The following ACBD6 variants were observed in gnomAD, a reference collection of about 807,000 sequenced individuals.
The protein encoded by ACBD6 is acyl-CoA binding domain containing 6.
Under a neutral mutation model 37.2 loss-of-function variants are expected in ACBD6, and 28 were observed. That is an observed-to-expected ratio of 0.75 (90% CI 0.56 to 1.03). ACBD6 has a LOEUF of 1.03. Among genes scored for constraint, ACBD6 ranks in the 50% least tolerant of loss-of-function variants. The pLI, the probability that ACBD6 is intolerant of heterozygous loss-of-function variation, is 0.00. For synonymous variants in ACBD6, 113 were observed against 126.8 expected, an observed-to-expected ratio of 0.89 and a Z score of 0.73; for missense variants, 340 against 337.4, an observed-to-expected ratio of 1.01 and a Z score of -0.06.
At chr1:180,407,889 G>T (rs1367945281) in intron 5 of ACBD6, among the ~76,000 whole-genome samples, 5 of 152,154 alleles carry the variant, frequency 3.3e-5, no homozygotes, top group African/African-American at 9.6e-5. Flanking sequence ...GTACACACAA[G>T]ATACTTCCAG....
intron 6 of ACBD6, among the ~76,000 whole-genome samples, chr1:180,360,149 A>C (rs1652793649): frequency 6.6e-6 from 1 of 152,212 alleles, no homozygotes; most frequent in African/African-American, 2.4e-5. Flanking sequence ...TTCTTTAAAG[A>C]ACACACAGGG....
In ACBD6 at chr1:180,288,390, C is replaced by A. The variant is rs749411528; in HGVS notation, c.822G>T (p.Leu274=). The change falls in exon 8 of 8, where the codon CTG becomes CTT. Residue 274 remains leucine (L), a synonymous_variant. Coordinates refer to ENST00000367595, the MANE Select transcript of ACBD6 (RefSeq NM_032360.4). The part of the protein sequence containing the change: ...VTGCKTVSLV[L]QRHTTGKA ...AAGCCTTGCCAGTTGTGTGCCGCTG[C>A]AGCACCAAAGAAACTGTTTTGCAGC... The A allele has an allele frequency of 1.2e-6, 2 of 1,613,694 alleles. No individual in the cohort carries two copies. The highest frequency in any genetic ancestry group is 2.7e-5 in the African/African-American group (2 of 74,920).
chr1:180,428,050 T>C (rs1042129774), intron 4 of ACBD6, among the ~76,000 whole-genome samples: 11 of 151,846 alleles, frequency 7.2e-5, no homozygotes, highest in Non-Finnish European at 1.3e-4. Context: ...TAATTTCTGA[T>C]CTGCTGTAGT....
intron 7 of ACBD6, among the ~76,000 whole-genome samples, chr1:180,313,976 T>G (rs1650692659): frequency 6.6e-6 from 1 of 152,240 alleles, no homozygotes; most frequent in Non-Finnish European, 1.5e-5. Context: ...TACAGATTAC[T>G]TAAGCTAATC....
chr1:180,396,108 A>G (rs1207878425), intron 6 of ACBD6, among the ~76,000 whole-genome samples: 2 of 152,310 alleles, frequency 1.3e-5, no homozygotes, highest in Non-Finnish European at 2.9e-5. Flanking sequence ...ATTCACAGAA[A>G]TAGAAAGTAG....
chr1:180,331,544 C>T (rs971191477), intron 6 of ACBD6, among the ~76,000 whole-genome samples: 1 of 152,216 alleles, frequency 6.6e-6, no homozygotes, highest in Non-Finnish European at 1.5e-5. Context: ...TCCCACAGCA[C>T]ATGTTCCTTG....
chr1:180,274,045 G>A, exon 11 of ACBD6: 2 of 1,013,126 alleles, frequency 2.0e-6, no homozygotes, highest in Non-Finnish European at 3.0e-6. Flanking sequence ...CCATATTGGT[G>A]TGTCTGACCC....
chr1:180,349,317 G>GCGATCT (rs1652312895), intron 6 of ACBD6, among the ~76,000 whole-genome samples: 1 of 150,870 alleles, frequency 6.6e-6, no homozygotes, highest in Admixed American at 6.6e-5. Flanking sequence ...TGGCTCGCGG[G>GCGATCT]CGATCTCGGC....
Position 180,353,453 on chromosome 1 carries a change from A to G in ACBD6, c.664-38731T>C, listed in dbSNP as rs1398876938. On this transcript the variant is annotated intron_variant, in intron 6 of 7. Transcript: ENST00000367595. Reference sequence around the variant, plus strand: ...ATAGAAGACAACTGCAACTCTGAACATCTATCCAATCAGTTCAATAATAAT... The same window carrying G: ...ATAGAAGACAACTGCAACTCTGAACGTCTATCCAATCAGTTCAATAATAAT... 2.6e-5 allele frequency among the ~76,000 whole-genome samples: 4 copies of G among 152,182 alleles called. No homozygotes were observed. The East Asian group carries it at 7.7e-4, about 29-fold the overall frequency.
chr1:180,379,597 T>C (rs1246310658), intron 6 of ACBD6, among the ~76,000 whole-genome samples: 1 of 152,080 alleles, frequency 6.6e-6, no homozygotes, highest in Non-Finnish European at 1.5e-5. Context: ...GAAGAATTCA[T>C]TGAATAAAAT....
At chr1:180,415,171 G>C (rs1335490075) in intron 4 of ACBD6, among the ~76,000 whole-genome samples, 3 of 152,084 alleles carry the variant, frequency 2.0e-5, no homozygotes, top group African/African-American at 7.2e-5. Flanking sequence ...GGCCAAGGCG[G>C]GTGGATCATA....
intron 6 of ACBD6, among the ~76,000 whole-genome samples, chr1:180,332,104 C>T (rs531627036): frequency 6.6e-6 from 1 of 152,230 alleles, no homozygotes; most frequent in Admixed American, 6.5e-5. Flanking sequence ...ACCAGAAGCC[C>T]GAAGAGGCAA....
chr1:180,383,746 C>G (rs1029644646), intron 6 of ACBD6, among the ~76,000 whole-genome samples: 5 of 152,112 alleles, frequency 3.3e-5, no homozygotes, highest in Admixed American at 2.0e-4. Context: ...AAGCTGGAGG[C>G]ATCACACTGT....
intron 13 of ACBD6, among the ~76,000 whole-genome samples, chr1:180,272,382 C>A (rs1434048081): frequency 6.6e-6 from 1 of 152,176 alleles, no homozygotes; most frequent in Non-Finnish European, 1.5e-5. Flanking sequence ...GGGACACTGG[C>A]CTACTCCCAT....
At position 180,371,145 on chromosome 1, in the gene ACBD6, G is replaced by T. The variant is rs985095391; in HGVS notation, c.663+26371C>A. Reference sequence around the variant, plus strand: ...CTGTATAGTAGCTCTGTGACTTTGGGTTATTTTATAAAGAAAAAAACATTT... The same window carrying T: ...CTGTATAGTAGCTCTGTGACTTTGGTTTATTTTATAAAGAAAAAAACATTT... On this transcript the variant is annotated intron_variant, in intron 6 of 7. Coordinates refer to ENST00000367595, the MANE Select transcript of ACBD6 (RefSeq NM_032360.4). Among the ~76,000 whole-genome samples, 3 of 151,646 alleles carry T rather than the reference G, an allele frequency of 2.0e-5. No homozygotes were observed. In the South Asian group the frequency reaches 6.2e-4, roughly 31 times the overall value.
exon 14 of ACBD6, chr1:180,271,326 G>A: frequency 1.2e-6 from 2 of 1,602,376 alleles, no homozygotes; most frequent in Admixed American, 1.7e-5. Flanking sequence ...TGTGGGAGGA[G>A]GCGCAGCTGC....
chr1:180,381,623 G>T (rs1306128759), intron 6 of ACBD6, among the ~76,000 whole-genome samples: 1 of 151,980 alleles, frequency 6.6e-6, no homozygotes, highest in East Asian at 1.9e-4. Flanking sequence ...TCACCATTGG[G>T]TCAAGAGAAA....
intron 4 of ACBD6, among the ~76,000 whole-genome samples, chr1:180,415,814 CAT>C (rs1326346059): frequency 1.3e-5 from 2 of 152,122 alleles, no homozygotes; most frequent in Non-Finnish European, 2.9e-5. Flanking sequence ...AGTACAAACA[CAT>C]ATAAATTTCT....
At chr1:180,410,495 A>G (rs187913167) in intron 5 of ACBD6, among the ~76,000 whole-genome samples, 1 of 152,308 alleles carries the variant, frequency 6.6e-6, no homozygotes, top group Non-Finnish European at 1.5e-5. Flanking sequence ...GCTGAAACCA[A>G]TGCTCATTTA....
Sources: gnomAD v4.1 joint callset for allele counts (sites outside exome capture counted in the v4.1 genomes callset) on GRCh38, gnomAD v4.1.1 for gene constraint, MANE v1.5 for transcripts, NCBI Gene and HGNC (gene_info 2026-07-23, HGNC 2026-07-21) for gene names.